Variants in ZNF821 observed in about 807,000 individuals in gnomAD.
The protein encoded by ZNF821 is zinc finger protein 821.
A neutral mutation model predicts 44.3 loss-of-function variants in ZNF821; 16 were observed. The observed-to-expected ratio is 0.36, with a 90% CI of 0.24 to 0.55. ZNF821 has a LOEUF of 0.55. Ranked by LOEUF, ZNF821 falls within the 20% of genes least tolerant of loss-of-function variation. The pLI, the probability that ZNF821 is intolerant of heterozygous loss-of-function variation, is 0.86. For synonymous variants in ZNF821, 204 were observed against 197.6 expected (o/e 1.03, Z -0.27); for missense variants, 436 against 547.6 (o/e 0.80, Z 2.03).
chr16:71,873,253 C>T (rs1170445900), intron 3 of ZNF821, among the ~76,000 whole-genome samples: 2 of 151,302 alleles, frequency 1.3e-5, no homozygotes, highest in Non-Finnish European at 2.9e-5. Flanking sequence ...ACCTGGGAGG[C>T]GGAGGTTGCA....
At chr16:71,864,348 G>T in intron 5 of ZNF821, 106 bp from the exon 6 acceptor site, 1 of 882,984 alleles carries the variant, frequency 1.1e-6, no homozygotes, top group Non-Finnish European at 1.8e-6. Context: ...GACTGATGGC[G>T]CATGTTATTC....
At chr16:71,879,462 G>C (rs935072127) in intron 3 of ZNF821, among the ~76,000 whole-genome samples, 3 of 151,502 alleles carry the variant, frequency 2.0e-5, no homozygotes, top group Non-Finnish European at 4.4e-5. Flanking sequence ...TCCTTCCTCC[G>C]AACTTCTCTA....
At chr16:71,883,725 G>C (rs1319954215) in intron 1 of ZNF821, 183 bp downstream of exon 1, 1 of 152,672 alleles carries the variant, frequency 6.5e-6, no homozygotes, top group Admixed American at 6.5e-5. Context: ...AGCAGGAGGA[G>C]CGGCCGGGGA....
At chr16:71,876,923 C>T (rs2035886342) in intron 3 of ZNF821, among the ~76,000 whole-genome samples, 2 of 152,012 alleles carry the variant, frequency 1.3e-5, no homozygotes, top group South Asian at 2.1e-4. Context: ...TTCATTTTAT[C>T]TTCCTTGACA....
At chr16:71,884,191 A>G (rs931879611), upstream of ZNF821, 5 of 151,878 alleles carry the variant, frequency 3.3e-5, no homozygotes, top group Non-Finnish European at 7.4e-5. Flanking sequence ...ACCCGCAGCT[A>G]GTGAGGCGCG....
chr16:71,864,455 T>C (rs2034297850), intron 5 of ZNF821, among the ~76,000 whole-genome samples: 1 of 152,228 alleles, frequency 6.6e-6, no homozygotes. Flanking sequence ...AGAGAGCCAA[T>C]CAATTTTTTT....
chr16:71,865,609 A>T (rs967826772), intron 4 of ZNF821, among the ~76,000 whole-genome samples: 1 of 152,200 alleles, frequency 6.6e-6, no homozygotes, highest in Admixed American at 6.5e-5. Context: ...ATGTCACTTT[A>T]TAGGGAAAGG....
chr16:71,888,168 C>T (rs114182749), upstream of ZNF821, among the ~76,000 whole-genome samples: 5,643 of 152,112 alleles, frequency 0.037, 326 homozygotes, highest in African/African-American at 0.13. Context: ...TGAACCACTG[C>T]GCCTGGCCTA....
At chr16:71,867,590 G>A (rs1486410520) in intron 4 of ZNF821, among the ~76,000 whole-genome samples, 1 of 152,008 alleles carries the variant, frequency 6.6e-6, no homozygotes, top group Non-Finnish European at 1.5e-5. Context: ...GGAGGCTGAG[G>A]CAGGAGAATC....
chr16:71,886,373 A>G (rs1323059228), upstream of ZNF821, among the ~76,000 whole-genome samples: 1 of 152,166 alleles, frequency 6.6e-6, no homozygotes, highest in Non-Finnish European at 1.5e-5. Context: ...TTGTCTCTTT[A>G]AAAAAGAAGA....
At chr16:71,869,666 C>G (rs1003065351) in intron 3 of ZNF821, among the ~76,000 whole-genome samples, 1 of 151,994 alleles carries the variant, frequency 6.6e-6, no homozygotes, top group Non-Finnish European at 1.5e-5. Context: ...GAGACAGGGT[C>G]TCATTCTCTC....
chr16:71,864,222 A>G lies in ZNF821; in HGVS notation c.333T>C (p.Ser111=). ...ACTGGCAGAGTTCAAGCAAGGGGTC[A>G]GAATTCAAATTCCCTGTGACCTGTG... The part of the protein sequence containing the change: ...VEHEVTGNLN[S]DPLLELCQCP... Residue 111 remains serine (S), a synonymous_variant, in exon 6 of 8, where the codon TCT becomes TCC. Coordinates refer to ENST00000425432, the MANE Select transcript of ZNF821 (RefSeq NM_001201552.2). 6.2e-7 allele frequency: 1 copy of G among 1,614,240 alleles called. No individual in the cohort carries two copies. Among genetic ancestry groups the G allele is most frequent in the Non-Finnish European group, 8.5e-7 (1 of 1,180,036 alleles).
At chr16:71,873,851 C>G (rs911498974) in intron 3 of ZNF821, among the ~76,000 whole-genome samples, 12 of 151,720 alleles carry the variant, frequency 7.9e-5, no homozygotes, top group African/African-American at 2.9e-4. Flanking sequence ...TCAGGTCCCA[C>G]TATGTTGCCC....
intron 3 of ZNF821, among the ~76,000 whole-genome samples, chr16:71,872,036 G>C (rs1295891608): frequency 4.6e-5 from 7 of 151,850 alleles, no homozygotes; most frequent in Admixed American, 3.9e-4. Flanking sequence ...TCTCCATGTT[G>C]GTCAGGCTGG....
intron 3 of ZNF821, among the ~76,000 whole-genome samples, chr16:71,875,270 C>A (rs922445019): frequency 2.6e-5 from 4 of 152,026 alleles, no homozygotes; most frequent in African/African-American, 9.7e-5. Flanking sequence ...GCCTGTTTTT[C>A]CATCTGTTTT....
chr16:71,876,848 T>A (rs1363622057), intron 3 of ZNF821, among the ~76,000 whole-genome samples: 1 of 152,172 alleles, frequency 6.6e-6, no homozygotes, highest in East Asian at 1.9e-4. Context: ...CCTCAAGTTA[T>A]CCTGCACTGG....
At chr16:71,883,681 A>ACCCCGCG (rs1028370306) in intron 1 of ZNF821, 3 of 151,870 alleles carry the variant, frequency 2.0e-5, no homozygotes, top group Non-Finnish European at 2.9e-5. Flanking sequence ...CCGGCCCCGC[A>ACCCCGCG]CCCCGCGCCC....
chr16:71,878,204 T>G (rs910458591), intron 3 of ZNF821, among the ~76,000 whole-genome samples: 4 of 150,860 alleles, frequency 2.7e-5, no homozygotes, highest in African/African-American at 9.7e-5. Flanking sequence ...CCTCCCAGGT[T>G]CAAGTGATTC....
chr16:71,889,191 TA>T (rs1488632959), upstream of ZNF821, among the ~76,000 whole-genome samples: 5 of 152,154 alleles, frequency 3.3e-5, no homozygotes, highest in Non-Finnish European at 5.9e-5. Flanking sequence ...GGAGCTGTGA[TA>T]GTACCCTTGC....
Sources: gnomAD v4.1 joint callset for allele counts (sites outside exome capture counted in the v4.1 genomes callset) on GRCh38, gnomAD v4.1.1 for gene constraint, MANE v1.5 for transcripts, NCBI Gene and HGNC (gene_info 2026-07-23, HGNC 2026-07-21) for gene names.